The following CYP3A43 variants were observed in gnomAD, a reference collection of about 807,000 sequenced individuals.
CYP3A43 encodes cytochrome P450 3A43.
CYP3A43 carries 45 observed loss-of-function variants against 58.0 expected under a neutral mutation model. The ratio of observed to expected loss-of-function variants is 0.78; its 90% CI spans 0.61 to 0.99. CYP3A43 has a LOEUF of 0.99. Among genes scored for constraint, CYP3A43 ranks in the 50% least tolerant of loss-of-function variants. The probability of loss-of-function intolerance (pLI) is 0.00; values close to 1 mark genes in which losing one functional copy is unlikely to be tolerated. For missense variants in CYP3A43, 593 were observed against 591.9 expected (o/e 1.00, Z -0.02); for synonymous variants, 191 against 201.4 (o/e 0.95, Z 0.44).
At position 99,847,558 on chromosome 7, in the gene CYP3A43, G is replaced by T; in HGVS notation, c.389G>T (p.Arg130Leu). ...FAEDEEWKRI[R>L]TLLSPAFTSV... ...GAAGATGAAGAATGGAAGAGAATAC[G>T]AACATTGCTATCTCCAGCTTTCACC... Residue 130 changes from arginine to leucine, a missense_variant, in exon 5 of 13, where the codon CGA becomes CTA. Physicochemically the swap from Arg to Leu is moderately radical, Grantham distance 102. Coordinates refer to ENST00000354829, the MANE Select transcript of CYP3A43 (RefSeq NM_057095.3). 2 of 1,613,866 alleles carry T rather than the reference G, an allele frequency of 1.2e-6. No individual in the cohort carries two copies. The highest frequency in any genetic ancestry group is 1.1e-5 in the South Asian group (1 of 91,036).
At position 99,828,034 on chromosome 7, in the gene CYP3A43, G is replaced by T. The variant is rs577285838; in HGVS notation, c.-82G>T. 17 of 1,114,472 alleles carry T rather than the reference G, an allele frequency of 1.5e-5. No individual in the cohort carries two copies. The highest frequency in any genetic ancestry group is 2.2e-5 in the Non-Finnish European group (17 of 767,752). The allele number at this position is 1,114,472 out of a possible 1,614,324, so 69.0% of individuals were successfully genotyped here. A position where few individuals can be genotyped will look rare whatever the true frequency, so the allele number is the denominator to read the frequency against. On this transcript the variant is annotated 5_prime_UTR_variant, in exon 1 of 13. Transcript: ENST00000354829. ...AATCACCTCTGGGCAGAGAAACAAA[G>T]CTCTATATGCACAGCCCAGCAAAGA...
chr7:99,856,736 G>A, intron 8 of CYP3A43, 97 bp from the exon 9 acceptor site: 1 of 1,239,518 alleles, frequency 8.1e-7, no homozygotes, highest in South Asian at 1.3e-5. Context: ...CTTAAAGAGA[G>A]CATATTCTCA....
chr7:99,854,156 C>T (rs1432892953), intron 7 of CYP3A43, among the ~76,000 whole-genome samples: 1 of 152,012 alleles, frequency 6.6e-6, no homozygotes, highest in Non-Finnish European at 1.5e-5. Context: ...ACCTCCCCCG[C>T]CCCCACTACC....
chr7:99,850,410 C>T (rs1180545338), intron 7 of CYP3A43, among the ~76,000 whole-genome samples: 5 of 151,882 alleles, frequency 3.3e-5, no homozygotes, highest in African/African-American at 9.7e-5. Flanking sequence ...TACAGGCATG[C>T]GCCACCACAC....
In CYP3A43 at chr7:99,858,660, G is replaced by GTAT. The variant is rs150747464; in HGVS notation, c.866-1123_866-1121dup. Among the ~76,000 whole-genome samples the GTAT allele has an allele frequency of 3.1e-3, 436 of 142,258 alleles. 4 individuals carry two copies. The highest frequency in any genetic ancestry group is 0.021 in the Middle Eastern group (6 of 284). 93.3% of individuals were successfully genotyped at this position (142,258 alleles called of 152,430 possible). ...CATCTATACATGCATTCTTCCTGCT[G>GTAT]TATTATTATTATTATTATTATTATT... On this transcript the variant is annotated intron_variant, in intron 9 of 12. Coordinates refer to ENST00000354829, the MANE Select transcript of CYP3A43 (RefSeq NM_057095.3).
chr7:99,855,375 T>C, intron 7 of CYP3A43: 1 of 487,122 alleles, frequency 2.1e-6, no homozygotes, highest in Non-Finnish European at 3.6e-6. Flanking sequence ...CTCACTGCTA[T>C]AGTGGAGGCC....
Position 99,855,640 on chromosome 7 carries a change from G to GT in CYP3A43, c.723dup (p.Pro242SerfsTer13). ...TTTTTGAAGCCCTAAATATCGGTTT[G>GT]TTTCCAAAAGATGTTACCCATTTTT... On this transcript the variant is annotated frameshift_variant, in exon 8 of 13. Transcript: ENST00000354829. LOFTEE classifies it high-confidence loss of function. 1 of 1,613,310 alleles carries GT rather than the reference G, an allele frequency of 6.2e-7. No homozygotes were observed. The highest frequency in any genetic ancestry group is 8.5e-7 in the Non-Finnish European group (1 of 1,179,770).
intron 7 of CYP3A43, among the ~76,000 whole-genome samples, chr7:99,851,342 T>G (rs1469293985): frequency 6.6e-6 from 1 of 152,216 alleles, no homozygotes; most frequent in Non-Finnish European, 1.5e-5. Context: ...TGGAGGCGTT[T>G]TATAGTAGTA....
At chr7:99,839,457 T>C in intron 3 of CYP3A43, 1 of 615,550 alleles carries the variant, frequency 1.6e-6, no homozygotes, top group Non-Finnish European at 3.0e-6. Flanking sequence ...GCTTGAGAAT[T>C]AAGTCATACC....
At chr7:99,833,299 A>C (rs1316097443) in intron 1 of CYP3A43, among the ~76,000 whole-genome samples, 1 of 152,046 alleles carries the variant, frequency 6.6e-6, no homozygotes, top group South Asian at 2.1e-4. Flanking sequence ...CAAAGAGTTT[A>C]GTTACCTTTT....
chr7:99,862,421 G>T (rs941936026), intron 11 of CYP3A43, among the ~76,000 whole-genome samples: 1 of 152,140 alleles, frequency 6.6e-6, no homozygotes, highest in Non-Finnish European at 1.5e-5. Flanking sequence ...CTTCATTGAG[G>T]ACAGAGGGAA....
chr7:99,848,253 G>A lies in CYP3A43; in HGVS notation c.520G>A (p.Asp174Asn), dbSNP rs776160563. The A allele has an allele frequency of 6.2e-7, 1 of 1,614,020 alleles. No homozygotes were observed. The change falls in exon 6 of 13, where the codon GAT becomes AAT. Residue 174 changes from aspartate (D) to asparagine (N), a missense_variant and splice_region_variant. By Grantham distance (23) the Asp-to-Asn change is conservative (BLOSUM62 1). Transcript: ENST00000354829. Reference protein sequence around the residue: ...AENSKSINLKDFFGAYTMDVI... With the variant: ...AENSKSINLKNFFGAYTMDVI... ...GAACAGCAAGTCCATCAACTTGAAAGAGTAAGTAGCACAGTCTTGAGGTTC... is the reference window on the plus strand; with the variant it reads ...GAACAGCAAGTCCATCAACTTGAAAAAGTAAGTAGCACAGTCTTGAGGTTC...
At chr7:99,854,887 T>TC (rs1328758012) in intron 7 of CYP3A43, among the ~76,000 whole-genome samples, 20 of 147,784 alleles carry the variant, frequency 1.4e-4, no homozygotes, top group Admixed American at 2.7e-4. Context: ...TCTCTCTCTC[T>TC]TTTTTTTTTT....
intron 7 of CYP3A43, among the ~76,000 whole-genome samples, chr7:99,850,937 G>A (rs1817737949): frequency 6.6e-6 from 1 of 152,066 alleles, no homozygotes; most frequent in East Asian, 1.9e-4. Flanking sequence ...GGGAGGCCGA[G>A]GTGGGCAGAT....
intron 7 of CYP3A43, among the ~76,000 whole-genome samples, chr7:99,852,407 T>A (rs1817796417): frequency 6.6e-6 from 1 of 152,218 alleles, no homozygotes; most frequent in South Asian, 2.1e-4. Context: ...TTGACCTTTT[T>A]AAGTTTTCTA....
intron 3 of CYP3A43, 51 bp from the exon 4 acceptor site, chr7:99,844,092 C>A: frequency 6.9e-7 from 1 of 1,440,666 alleles, no homozygotes; most frequent in Non-Finnish European, 9.6e-7. Flanking sequence ...GTGGTTCCAG[C>A]TGCAGAATCA....
At chr7:99,831,685 A>G (rs757400719) in intron 1 of CYP3A43, among the ~76,000 whole-genome samples, 10 of 152,164 alleles carry the variant, frequency 6.6e-5, no homozygotes, top group Non-Finnish European at 1.5e-5. Context: ...CATAAGGAGC[A>G]CCAGACTTAA....
intron 9 of CYP3A43, 127 bp downstream of exon 9, chr7:99,857,026 T>G: frequency 1.7e-6 from 2 of 1,158,810 alleles, no homozygotes; most frequent in Non-Finnish European, 1.2e-6. Flanking sequence ...GGCACACATT[T>G]GGATGTTATA....
intron 10 of CYP3A43, among the ~76,000 whole-genome samples, chr7:99,861,129 C>T (rs544012404): frequency 6.6e-6 from 1 of 152,330 alleles, no homozygotes; most frequent in South Asian, 2.1e-4. Context: ...CCACCTTGGC[C>T]TCCCAAAGTG....
Sources: allele counts gnomAD v4.1 joint callset (sites outside exome capture counted in the v4.1 genomes callset), GRCh38; gene constraint gnomAD v4.1.1; transcripts MANE v1.5; gene names NCBI Gene and HGNC (gene_info 2026-07-23, HGNC 2026-07-21).